Variants in SDC1 observed in about 807,000 individuals in gnomAD.
SDC1 encodes the protein syndecan 1.
A neutral mutation model predicts 29.7 loss-of-function variants in SDC1; 14 were observed. That is an observed-to-expected ratio of 0.47 (90% CI 0.31 to 0.74). The LOEUF is 0.74. SDC1 is among the 30% of genes least tolerant of loss of function. The pLI is 0.05. For synonymous variants in SDC1, 204 were observed against 175.5 expected, an observed-to-expected ratio of 1.16 and a Z score of -1.29; for missense variants, 406 against 400.3, an observed-to-expected ratio of 1.01 and a Z score of -0.12.
At chr2:20,213,392 C>T (rs1333098910) in intron 1 of SDC1, among the ~76,000 whole-genome samples, 1 of 152,258 alleles carries the variant, frequency 6.6e-6, no homozygotes, top group Non-Finnish European at 1.5e-5. Context: ...CTCCGAGAGC[C>T]AAACAAGGGA....
chr2:20,220,758 G>C (rs1319090967), intron 1 of SDC1, among the ~76,000 whole-genome samples: 3 of 152,238 alleles, frequency 2.0e-5, no homozygotes, highest in Non-Finnish European at 2.9e-5. Context: ...TGGCAGAGTT[G>C]AGACTCAGTC....
Position 20,202,596 on chromosome 2 carries a change from AGT to A in SDC1, c.*168_*169del. ...CTCCAGGCAGAAGTCAGAGAAGCAG[AGT>A]GGAGCTCCCAGCACACCCCACGACT... On this transcript the variant is annotated 3_prime_UTR_variant, in exon 5 of 5. Coordinates refer to ENST00000254351, the MANE Select transcript of SDC1 (RefSeq NM_002997.5). 1.5e-6 allele frequency: 1 copy of A among 676,848 alleles called. No homozygotes were observed. The highest frequency in any genetic ancestry group is 1.9e-5 in the South Asian group (1 of 53,010). The allele number at this position is 676,848 out of a possible 1,614,324, so 41.9% of individuals were successfully genotyped here.
chr2:20,223,804 C>T (rs1017004024), intron 1 of SDC1, among the ~76,000 whole-genome samples: 7 of 152,224 alleles, frequency 4.6e-5, no homozygotes, highest in Non-Finnish European at 1.0e-4. Context: ...GAGCCACTTT[C>T]TGGGGACCCT....
At chr2:20,204,407 C>G (rs1197872999) in intron 2 of SDC1, 116 bp from the exon 3 acceptor site, 2 of 709,000 alleles carry the variant, frequency 2.8e-6, no homozygotes, top group Non-Finnish European at 4.9e-6. Context: ...CAAGCTCAGG[C>G]TATGAGGGAG....
intron 4 of SDC1, 58 bp downstream of exon 4, chr2:20,203,029 C>T: frequency 6.4e-7 from 1 of 1,568,926 alleles, no homozygotes. Context: ...GTGGTCAGCC[C>T]CACCCTGACC....
At chr2:20,214,401 T>C (rs1473776518) in intron 1 of SDC1, among the ~76,000 whole-genome samples, 3 of 152,102 alleles carry the variant, frequency 2.0e-5, no homozygotes, top group East Asian at 1.9e-4. Context: ...TGGTCCCTTC[T>C]GGTTTGGGGG....
chr2:20,223,475 AT>A (rs1677886622), intron 1 of SDC1: 1 of 357,328 alleles, frequency 2.8e-6, no homozygotes, highest in Non-Finnish European at 5.4e-6. Context: ...AACTGTCCAG[AT>A]GTAGTGGCGA....
At chr2:20,218,298 C>T (rs1677695930) in intron 1 of SDC1, among the ~76,000 whole-genome samples, 2 of 152,176 alleles carry the variant, frequency 1.3e-5, no homozygotes, top group South Asian at 2.1e-4. Context: ...ATTTCCAAGG[C>T]CAAGGCCATG....
intron 1 of SDC1, among the ~76,000 whole-genome samples, chr2:20,217,397 T>C (rs532235996): frequency 6.6e-6 from 1 of 152,274 alleles, no homozygotes; most frequent in African/African-American, 2.4e-5. Flanking sequence ...ATAGGTCTCA[T>C]GAAGCCCTCA....
chr2:20,210,708 GCTAGGTCACCA>G (rs1419147354), intron 1 of SDC1, among the ~76,000 whole-genome samples: 1 of 152,202 alleles, frequency 6.6e-6, no homozygotes, highest in Non-Finnish European at 1.5e-5. Flanking sequence ...TATCAAAGGA[GCTAGGTCACCA>G]CCTTTGACAA....
chr2:20,218,618 C>G lies in SDC1; in HGVS notation c.66+6184G>C, dbSNP rs1195021736. On this transcript the variant is annotated intron_variant, in intron 1 of 4. Coordinates refer to ENST00000254351, the MANE Select transcript of SDC1 (RefSeq NM_002997.5). The stretch of plus-strand genomic sequence containing the variant: ...ATACAAATATACACGGACGCAGACA[C>G]ACACAGACACATAAACACACAGACA... Among the ~76,000 whole-genome samples, 3 of 150,536 alleles carry G rather than the reference C, an allele frequency of 2.0e-5. No individual in the cohort carries two copies. In the East Asian group the frequency reaches 5.8e-4, roughly 29 times the overall value.
In SDC1 at chr2:20,202,769, G is replaced by A. The variant is rs1484985702; in HGVS notation, c.930C>T (p.Ala310=). 3.1e-6 allele frequency: 5 copies of A among 1,604,174 alleles called. No homozygotes were observed. The highest frequency in any genetic ancestry group is 2.2e-5 in the East Asian group (1 of 44,702). Residue 310 remains alanine (A), a synonymous_variant, in exon 5 of 5, where the codon GCC becomes GCT. Transcript: ENST00000254351. ...GAGGGGGCGCATGGCTCCCGCGTCA[G>A]GCATAGAATTCCTCCTGTTTGGTGG... The part of the protein sequence containing the change: ...QKPTKQEEFY[A]
In SDC1 at chr2:20,202,266, A is replaced by T. The variant is rs1489418461; in HGVS notation, c.*500T>A. On this transcript the variant is annotated 3_prime_UTR_variant, in exon 5 of 5. Transcript: ENST00000254351. ...AGGAAACATGTGCAAAAACAAGTCG[A>T]TATCTAGATTAGACCTCCCCACGAA... is the stretch of plus-strand genomic sequence containing the variant. 1.3e-6 allele frequency: 1 copy of T among 779,106 alleles called. No individual in the cohort carries two copies. The highest frequency in any genetic ancestry group is 2.4e-6 in the Non-Finnish European group (1 of 417,848). The allele number at this position is 779,106 out of a possible 1,614,324, so 48.3% of individuals were successfully genotyped here. A position where few individuals can be genotyped will look rare whatever the true frequency, so the allele number is the denominator to read the frequency against.
chr2:20,207,928 G>A, intron 1 of SDC1: 2 of 984,702 alleles, frequency 2.0e-6, no homozygotes, highest in South Asian at 9.4e-5. Flanking sequence ...CATACTCACT[G>A]GGATCATGGC....
chr2:20,222,308 T>A (rs1677848286), intron 1 of SDC1, among the ~76,000 whole-genome samples: 1 of 152,146 alleles, frequency 6.6e-6, no homozygotes, highest in African/African-American at 2.4e-5. Flanking sequence ...CTCTGCCACT[T>A]GCAAATACCT....
intron 1 of SDC1, among the ~76,000 whole-genome samples, 198 bp from the exon 2 acceptor site, chr2:20,205,622 A>C (rs1419309720): frequency 1.3e-5 from 2 of 152,120 alleles, no homozygotes; most frequent in Non-Finnish European, 2.9e-5. Flanking sequence ...CTGATGCTAC[A>C]ACACAGCCTG....
chr2:20,212,707 G>A (rs1024076393), intron 1 of SDC1, among the ~76,000 whole-genome samples: 1 of 152,170 alleles, frequency 6.6e-6, no homozygotes, highest in Non-Finnish European at 1.5e-5. Context: ...AGGGAGTGAT[G>A]GGCCCGGCCC....
Position 20,208,117 on chromosome 2 carries a change from A to G in SDC1, c.67-2693T>C, listed in dbSNP as rs1323804231. 8 of 985,348 alleles carry G rather than the reference A, an allele frequency of 8.1e-6. No homozygotes were observed. In the African/African-American group the frequency reaches 1.0e-4, roughly 13 times the overall value. 61.0% of individuals were successfully genotyped at this position (985,348 alleles called of 1,614,324 possible). A position where few individuals can be genotyped will look rare whatever the true frequency, so the allele number is the denominator to read the frequency against. Reference sequence around the variant, plus strand: ...GCTAGAACCATTGGATCCATGCTCCATTCAACAATGAGGCAACCGAAGCCC... The same window carrying G: ...GCTAGAACCATTGGATCCATGCTCCGTTCAACAATGAGGCAACCGAAGCCC... On this transcript the variant is annotated intron_variant, in intron 1 of 4. Transcript: ENST00000254351.
At chr2:20,216,518 T>C (rs575888108) in intron 1 of SDC1, among the ~76,000 whole-genome samples, 1 of 152,304 alleles carries the variant, frequency 6.6e-6, no homozygotes, top group Admixed American at 6.5e-5. Context: ...GACCATCATA[T>C]TCGCCTGGAA....
Sources: gnomAD v4.1 joint callset for allele counts (sites outside exome capture counted in the v4.1 genomes callset) on GRCh38, gnomAD v4.1.1 for gene constraint, MANE v1.5 for transcripts, NCBI Gene and HGNC (gene_info 2026-07-23, HGNC 2026-07-21) for gene names.